PDE4B: variants seen among roughly 807,000 people sequenced by gnomAD.
The protein encoded by PDE4B is phosphodiesterase 4B.
A neutral mutation model predicts 82.2 loss-of-function variants in PDE4B; 20 were observed. The ratio of observed to expected loss-of-function variants is 0.24; its 90% CI spans 0.17 to 0.35. The LOEUF (loss-of-function observed/expected upper bound fraction) is 0.35. Among genes scored for constraint, PDE4B ranks in the 10% least tolerant of loss-of-function variants. The probability of loss-of-function intolerance (pLI) is 1.00; values close to 1 mark genes in which losing one functional copy is unlikely to be tolerated. For synonymous variants in PDE4B, 320 were observed against 318.9 expected (o/e 1.00, Z -0.04); for missense variants, 655 against 907.2 (o/e 0.72, Z 3.57).
intron 3 of PDE4B, among the ~76,000 whole-genome samples, chr1:66,040,479 A>G (rs746500735): frequency 5.6e-4 from 85 of 152,014 alleles, no homozygotes; most frequent in Non-Finnish European, 1.1e-3. Flanking sequence ...GGGGATTAAA[A>G]TGACAGGTGA....
chr1:66,113,638 G>A (rs1199080457), intron 3 of PDE4B, among the ~76,000 whole-genome samples: 2 of 152,120 alleles, frequency 1.3e-5, no homozygotes, highest in Non-Finnish European at 2.9e-5. Flanking sequence ...GATTAACAGT[G>A]AGCATGATTC....
At chr1:66,323,213 C>T (rs577174457) in intron 7 of PDE4B, among the ~76,000 whole-genome samples, 21 of 152,128 alleles carry the variant, frequency 1.4e-4, no homozygotes, top group Non-Finnish European at 2.2e-4. Flanking sequence ...TCCTATCAGT[C>T]TTTCCCTGTC....
intron 9 of PDE4B, among the ~76,000 whole-genome samples, chr1:66,355,860 AT>A (rs542100152): frequency 6.6e-6 from 1 of 152,170 alleles, no homozygotes; most frequent in Non-Finnish European, 1.5e-5. Flanking sequence ...GGCTAATTGT[AT>A]TTAAACGGCC....
chr1:66,195,824 C>T (rs145379613), intron 3 of PDE4B, among the ~76,000 whole-genome samples: 1 of 152,088 alleles, frequency 6.6e-6, no homozygotes, highest in Non-Finnish European at 1.5e-5. Context: ...GTATATGAGA[C>T]CCCTGCAAGA....
intron 1 of PDE4B, among the ~76,000 whole-genome samples, chr1:65,912,329 C>T (rs1937445): frequency 0.26 from 39,922 of 151,916 alleles, 5,998 homozygotes; most frequent in East Asian, 0.48. Context: ...TTCCAGTGAA[C>T]CCATCAACCC....
chr1:65,944,719 T>C (rs924568833), intron 3 of PDE4B, among the ~76,000 whole-genome samples: 4 of 152,000 alleles, frequency 2.6e-5, no homozygotes, highest in Middle Eastern at 3.4e-3. Flanking sequence ...CAATTAAGCA[T>C]ACTGCAGGTA....
intron 1 of PDE4B, among the ~76,000 whole-genome samples, chr1:65,819,863 A>G (rs559065997): frequency 1.3e-5 from 2 of 152,326 alleles, no homozygotes; most frequent in Admixed American, 6.5e-5. Flanking sequence ...AAAGAATTAC[A>G]GAAGGAATGA....
chr1:65,817,207 G>A (rs529884519), intron 1 of PDE4B, among the ~76,000 whole-genome samples: 7 of 152,254 alleles, frequency 4.6e-5, no homozygotes, highest in Admixed American at 1.3e-4. Context: ...AGATTTATTC[G>A]TTTTCTCTTC....
At chr1:66,032,977 C>T (rs1457427101) in intron 3 of PDE4B, among the ~76,000 whole-genome samples, 2 of 152,126 alleles carry the variant, frequency 1.3e-5, no homozygotes, top group Non-Finnish European at 2.9e-5. Flanking sequence ...TCTTAATAAG[C>T]AATCCATTTT....
intron 1 of PDE4B, among the ~76,000 whole-genome samples, chr1:65,828,026 A>C (rs1237063079): frequency 6.6e-6 from 1 of 152,212 alleles, no homozygotes; most frequent in Admixed American, 6.5e-5. Context: ...TTGTCAAGCC[A>C]GAATTCTATA....
Position 65,998,739 on chromosome 1 carries a change from C to T in PDE4B, c.281+79904C>T, listed in dbSNP as rs1287539225. On this transcript the variant is annotated intron_variant, in intron 3 of 16. Transcript: ENST00000341517. Reference sequence around the variant, plus strand: ...AGATAGTACTAGCTGGTACAATACCCCCACATGCATCAAACAATCAGCAAA... The same window carrying T: ...AGATAGTACTAGCTGGTACAATACCTCCACATGCATCAAACAATCAGCAAA... 3.9e-5 allele frequency among the ~76,000 whole-genome samples: 6 copies of T among 152,046 alleles called. No individual in the cohort carries two copies. In the East Asian group the frequency reaches 1.2e-3, roughly 30 times the overall value.
chr1:65,823,169 G>A (rs1040835081), intron 1 of PDE4B, among the ~76,000 whole-genome samples: 39 of 151,870 alleles, frequency 2.6e-4, no homozygotes, highest in African/African-American at 5.8e-4. Context: ...AGGCCGAGGC[G>A]GATGGATCGC....
chr1:66,191,524 A>G (rs948422853), intron 3 of PDE4B, among the ~76,000 whole-genome samples: 2 of 152,212 alleles, frequency 1.3e-5, no homozygotes, highest in African/African-American at 4.8e-5. Context: ...AATGTGAGCC[A>G]CATAATCAGA....
chr1:65,884,600 G>C (rs1348247184), intron 1 of PDE4B, among the ~76,000 whole-genome samples: 2 of 152,096 alleles, frequency 1.3e-5, no homozygotes, highest in Non-Finnish European at 2.9e-5. Flanking sequence ...ACAAAAACAA[G>C]GAATGGGGAA....
At chr1:66,237,365 A>G (rs1330234718) in intron 3 of PDE4B, among the ~76,000 whole-genome samples, 2 of 152,172 alleles carry the variant, frequency 1.3e-5, no homozygotes, top group Non-Finnish European at 2.9e-5. Context: ...CATTCCTTCC[A>G]CGTCTCTACC....
intron 16 of PDE4B, 126 bp from the exon 17 acceptor site, chr1:66,372,187 A>T: frequency 1.0e-6 from 1 of 979,682 alleles, no homozygotes; most frequent in Non-Finnish European, 1.5e-6. Flanking sequence ...TGCCCAAATC[A>T]TGGAATCCAT....
chr1:65,879,885 C>G (rs577159259), intron 1 of PDE4B, among the ~76,000 whole-genome samples: 55 of 152,254 alleles, frequency 3.6e-4, no homozygotes, highest in African/African-American at 1.3e-3. Flanking sequence ...TTGCACAGAC[C>G]AGCATAGTGT....
At chr1:65,936,297 G>T (rs866426338) in intron 3 of PDE4B, among the ~76,000 whole-genome samples, 1 of 151,896 alleles carries the variant, frequency 6.6e-6, no homozygotes, top group African/African-American at 2.4e-5. Context: ...ATACATAAGG[G>T]TATATTATAA....
At chr1:66,226,632 G>C (rs959488899) in intron 3 of PDE4B, among the ~76,000 whole-genome samples, 1 of 152,198 alleles carries the variant, frequency 6.6e-6, no homozygotes, top group African/African-American at 2.4e-5. Context: ...TGCAAGAAAA[G>C]AACAGTCAGT....
Sources: allele counts gnomAD v4.1 joint callset (sites outside exome capture counted in the v4.1 genomes callset), GRCh38; gene constraint gnomAD v4.1.1; transcripts MANE v1.5; gene names NCBI Gene and HGNC (gene_info 2026-07-23, HGNC 2026-07-21).